Variants in SEMA3E observed in about 807,000 individuals in gnomAD.
SEMA3E encodes semaphorin-3E.
In SEMA3E, 49 loss-of-function variants were observed where a neutral mutation model predicts 93.6. The ratio of observed to expected loss-of-function variants is 0.52; its 90% CI spans 0.42 to 0.66. The LOEUF is 0.66. Among genes scored for constraint, SEMA3E ranks in the 30% least tolerant of loss-of-function variants. The pLI is 0.00. For missense variants in SEMA3E, 906 were observed against 964.8 expected, an observed-to-expected ratio of 0.94 and a Z score of 0.81; for synonymous variants, 363 against 330.7, an observed-to-expected ratio of 1.10 and a Z score of -1.06.
At chr7:83,401,309 C>T (rs1788229420) in intron 10 of SEMA3E, among the ~76,000 whole-genome samples, 1 of 152,038 alleles carries the variant, frequency 6.6e-6, no homozygotes, top group Non-Finnish European at 1.5e-5. Flanking sequence ...AAAAATTTTC[C>T]ACTTTAGAGT....
intron 4 of SEMA3E, among the ~76,000 whole-genome samples, chr7:83,463,066 A>G (rs963933118): frequency 6.7e-6 from 1 of 149,108 alleles, no homozygotes; most frequent in African/African-American, 2.4e-5. Flanking sequence ...ATCAAGCCCA[A>G]ATTTCTTCCT....
intron 5 of SEMA3E, among the ~76,000 whole-genome samples, chr7:83,415,667 C>G (rs1012650051): frequency 2.6e-5 from 4 of 151,934 alleles, no homozygotes; most frequent in Non-Finnish European, 5.9e-5. Context: ...TTTAAGTTAA[C>G]TGAATTAAAA....
At chr7:83,399,660 T>C (rs1367315355) in intron 11 of SEMA3E, among the ~76,000 whole-genome samples, 2 of 152,230 alleles carry the variant, frequency 1.3e-5, no homozygotes, top group Non-Finnish European at 2.9e-5. Flanking sequence ...ATTCATTTCT[T>C]TACTTATTCA....
intron 1 of SEMA3E, among the ~76,000 whole-genome samples, chr7:83,554,273 C>A (rs989469350): frequency 6.6e-6 from 1 of 152,096 alleles, no homozygotes; most frequent in South Asian, 2.1e-4. Context: ...AAAATCCATA[C>A]TATCTTCTAA....
rs215326 is a variant in SEMA3E at position 83,604,917 on chromosome 7, G to A, written c.115+43511C>T. On this transcript the variant is annotated intron_variant, in intron 1 of 16. Coordinates refer to ENST00000643230, the MANE Select transcript of SEMA3E (RefSeq NM_012431.3). ...TTCTGTTCCTGTGTTTGTCTGCTGA[G>A]GATGATGGCTTTCAGTTTCATCCAC... Among the ~76,000 whole-genome samples, 626 of 152,192 alleles carry A rather than the reference G, an allele frequency of 4.1e-3. 3 individuals carry two copies. The highest frequency in any genetic ancestry group is 0.014 in the African/African-American group (593 of 41,548).
At chr7:83,433,711 C>T (rs2115754730) in intron 4 of SEMA3E, among the ~76,000 whole-genome samples, 1 of 152,090 alleles carries the variant, frequency 6.6e-6, no homozygotes, top group Admixed American at 6.5e-5. Flanking sequence ...TACAAAATTT[C>T]TAGAGGTGTT....
intron 16 of SEMA3E, among the ~76,000 whole-genome samples, chr7:83,375,010 C>T (rs543429601): frequency 3.3e-5 from 5 of 152,012 alleles, no homozygotes; most frequent in African/African-American, 7.2e-5. Flanking sequence ...ATGATTAATG[C>T]GGTTTGACAA....
At chr7:83,449,212 A>ATG (rs1462203685) in intron 4 of SEMA3E, among the ~76,000 whole-genome samples, 4 of 151,604 alleles carry the variant, frequency 2.6e-5, no homozygotes, top group Non-Finnish European at 5.9e-5. Context: ...TGATCCTGCT[A>ATG]CCTCAGCCTC....
At chr7:83,635,640 A>G (rs1432772860) in intron 1 of SEMA3E, among the ~76,000 whole-genome samples, 1 of 152,000 alleles carries the variant, frequency 6.6e-6, no homozygotes, top group African/African-American at 2.4e-5. Context: ...TACATGAAAA[A>G]ACATTTTTTC....
At chr7:83,452,856 C>G (rs1447249459) in intron 4 of SEMA3E, among the ~76,000 whole-genome samples, 1 of 152,096 alleles carries the variant, frequency 6.6e-6, no homozygotes, top group Non-Finnish European at 1.5e-5. Flanking sequence ...CCTTTTAATG[C>G]CGTGGGGAAC....
At chr7:83,379,157 T>C (rs1787721558) in intron 16 of SEMA3E, among the ~76,000 whole-genome samples, 2 of 151,698 alleles carry the variant, frequency 1.3e-5, no homozygotes, top group Non-Finnish European at 2.9e-5. Flanking sequence ...GAAAGTCAAA[T>C]ACTGCACTCT....
intron 1 of SEMA3E, among the ~76,000 whole-genome samples, chr7:83,537,530 A>C (rs1200308676): frequency 6.6e-6 from 1 of 152,182 alleles, no homozygotes; most frequent in African/African-American, 2.4e-5. Context: ...TCTATAATGC[A>C]CTGTATAGCT....
rs760019484 is a variant in SEMA3E, at chr7:83,385,400, G to A, written c.1769C>T (p.Ala590Val). ...AGTACTGTTGTTCTCTATGCCATAA[G>A]CCAGATGTTCTTCAGTCTTATCCAA... ...DALDKTEEHL[A>V]YGIENNSTLL... Residue 590 changes from alanine (A) to valine (V), a missense_variant, in exon 16 of 17, where the codon GCT (alanine) becomes GTT (valine). Transcript: ENST00000643230. The A allele has an allele frequency of 6.2e-7, 1 of 1,613,438 alleles. No individual in the cohort carries two copies. The highest frequency in any genetic ancestry group is 8.5e-7 in the Non-Finnish European group (1 of 1,179,560).
At chr7:83,383,038 C>T (rs1311180807) in intron 16 of SEMA3E, among the ~76,000 whole-genome samples, 1 of 151,826 alleles carries the variant, frequency 6.6e-6, no homozygotes, top group African/African-American at 2.4e-5. Flanking sequence ...TCAAAAATTT[C>T]AGTTAAATAA....
intron 1 of SEMA3E, among the ~76,000 whole-genome samples, chr7:83,531,960 G>A (rs1015941652): frequency 6.6e-6 from 1 of 152,076 alleles, no homozygotes; most frequent in African/African-American, 2.4e-5. Context: ...GGGAATCATC[G>A]GGAGACAGGA....
At chr7:83,630,627 T>C (rs183952875) in intron 1 of SEMA3E, among the ~76,000 whole-genome samples, 245 of 152,302 alleles carry the variant, frequency 1.6e-3, no homozygotes, top group Middle Eastern at 3.4e-3. Flanking sequence ...TATCAATTCA[T>C]TATTGCTACA....
intron 1 of SEMA3E, among the ~76,000 whole-genome samples, chr7:83,533,939 C>A (rs34349680): frequency 0.14 from 21,635 of 152,122 alleles, 2,267 homozygotes; most frequent in African/African-American, 0.28. Flanking sequence ...GGGAGGGCTT[C>A]TTGCCTCTAG....
intron 1 of SEMA3E, among the ~76,000 whole-genome samples, chr7:83,556,126 T>C (rs215262): frequency 0.42 from 64,395 of 151,926 alleles, 14,641 homozygotes; most frequent in African/African-American, 0.6. Flanking sequence ...TATACGTTTT[T>C]ATATGTTCAG....
intron 1 of SEMA3E, among the ~76,000 whole-genome samples, chr7:83,631,482 A>T (rs1793784617): frequency 1.3e-5 from 2 of 152,252 alleles, no homozygotes; most frequent in Admixed American, 6.5e-5. Context: ...CTTTATAAGA[A>T]TTTCGACAAT....
Sources: gnomAD v4.1 joint callset for allele counts (sites outside exome capture counted in the v4.1 genomes callset) on GRCh38, gnomAD v4.1.1 for gene constraint, MANE v1.5 for transcripts, NCBI Gene and HGNC (gene_info 2026-07-23, HGNC 2026-07-21) for gene names.